Variants in CPS1 observed in about 807,000 individuals in gnomAD.
The protein encoded by CPS1 is carbamoyl-phosphate synthase [ammonia], mitochondrial.
In CPS1, 109 loss-of-function variants were observed where a neutral mutation model predicts 174.6. The ratio of observed to expected loss-of-function variants is 0.62; its 90% CI spans 0.53 to 0.73. The LOEUF is 0.73. CPS1 is among the 30% of genes least tolerant of loss of function. The pLI is 0.00. For synonymous variants in CPS1, 637 were observed against 632.0 expected (o/e 1.01, Z -0.12); for missense variants, 1,689 against 1,821.9 (o/e 0.93, Z 1.33).
chr2:210,544,080 G>T (rs193019299), intron 1 of CPS1, among the ~76,000 whole-genome samples: 8 of 152,182 alleles, frequency 5.3e-5, no homozygotes, highest in Admixed American at 4.6e-4. Context: ...AGTTTTTAGA[G>T]AAACTGGGAA....
chr2:210,548,659 C>T (rs1696626946), intron 1 of CPS1, among the ~76,000 whole-genome samples: 1 of 151,884 alleles, frequency 6.6e-6, no homozygotes, highest in Non-Finnish European at 1.5e-5. Flanking sequence ...CTTCTTCCTC[C>T]CCTTCTTCAT....
upstream of CPS1, chr2:210,556,395 A>C (rs772341042): frequency 4.0e-6 from 2 of 495,926 alleles, no homozygotes; most frequent in South Asian, 3.1e-5. Flanking sequence ...AGGTCATTCC[A>C]TTCAGCTGCA....
intron 1 of CPS1, among the ~76,000 whole-genome samples, chr2:210,567,967 A>G (rs1243173589): frequency 6.6e-6 from 1 of 152,196 alleles, no homozygotes; most frequent in Non-Finnish European, 1.5e-5. Flanking sequence ...AATGAAGTAC[A>G]TTTCTATGCA....
intron 21 of CPS1, among the ~76,000 whole-genome samples, chr2:210,637,408 C>T (rs1231090205): frequency 3.3e-5 from 5 of 152,058 alleles, no homozygotes; most frequent in Non-Finnish European, 7.4e-5. Flanking sequence ...TACTAATGAG[C>T]ACATTTATTA....
chr2:210,544,693 G>A (rs1696517107), intron 1 of CPS1, among the ~76,000 whole-genome samples: 1 of 151,898 alleles, frequency 6.6e-6, no homozygotes, highest in South Asian at 2.1e-4. Flanking sequence ...TTTTTCTTCA[G>A]GCTGAAATAT....
At chr2:210,493,726 A>G (rs1466978287) in intron 1 of CPS1, among the ~76,000 whole-genome samples, 1 of 152,172 alleles carries the variant, frequency 6.6e-6, no homozygotes, top group Non-Finnish European at 1.5e-5. Context: ...TTGGGCAAAC[A>G]AAGGAAGTTG....
At chr2:210,621,722 G>A (rs2105874760) in intron 21 of CPS1, among the ~76,000 whole-genome samples, 1 of 152,174 alleles carries the variant, frequency 6.6e-6, no homozygotes, top group East Asian at 1.9e-4. Context: ...GATGTCAAAT[G>A]TCTTCACCAA....
At chr2:210,665,203 C>T (rs1701051304) in intron 33 of CPS1, among the ~76,000 whole-genome samples, 1 of 152,176 alleles carries the variant, frequency 6.6e-6, no homozygotes, top group Admixed American at 6.5e-5. Context: ...GAGAGAAAAG[C>T]AGCAACCACA....
At chr2:210,651,365 A>C (rs1700553387) in intron 28 of CPS1, among the ~76,000 whole-genome samples, 1 of 152,212 alleles carries the variant, frequency 6.6e-6, no homozygotes, top group Non-Finnish European at 1.5e-5. Flanking sequence ...GAGTGAGAAG[A>C]GGCAAAGAGT....
At chr2:210,493,797 G>T (rs1193248028) in intron 1 of CPS1, among the ~76,000 whole-genome samples, 4 of 152,186 alleles carry the variant, frequency 2.6e-5, no homozygotes, top group Non-Finnish European at 5.9e-5. Flanking sequence ...CTAGGGGCAA[G>T]CAAATACTCC....
At position 210,675,790 on chromosome 2, in the gene CPS1, G is replaced by A; in HGVS notation, c.4224G>A (p.Val1408=). The A allele has an allele frequency of 1.2e-6, 2 of 1,608,158 alleles. No individual in the cohort carries two copies. Among genetic ancestry groups the A allele is most frequent in the Non-Finnish European group, 1.7e-6 (2 of 1,174,578 alleles). ...CCAACAATGTCCCTGCCACCCCAGT[G>A]GCATGGCCGTCTCAAGAAGGACAGA... ...LNANNVPATP[V]AWPSQEGQNP... is the part of the protein sequence containing the mutation. Residue 1408 remains valine, a synonymous_variant, in exon 36 of 38, where the codon GTG becomes GTA. Coordinates refer to ENST00000233072, the MANE Select transcript of CPS1 (RefSeq NM_001875.5).
chr2:210,615,582 G>T (rs1316286315), intron 20 of CPS1, among the ~76,000 whole-genome samples: 3 of 151,884 alleles, frequency 2.0e-5, no homozygotes, highest in Admixed American at 1.3e-4. Context: ...TTTTCACAGG[G>T]TATATACACG....
intron 5 of CPS1, among the ~76,000 whole-genome samples, chr2:210,581,152 T>C (rs1697910863): frequency 6.6e-6 from 1 of 152,084 alleles, no homozygotes; most frequent in African/African-American, 2.4e-5. Context: ...TCTCTCAGCC[T>C]AATGATGTGT....
At position 210,676,992 on chromosome 2, in the gene CPS1, T is replaced by G. The variant is rs2105945904; in HGVS notation, c.4275-15T>G. ...ATATGCCTTGTTGTCTATAAGTTTT[T>G]GTTTATTTTTCCAGATTGATTAGAG... On this transcript the variant is annotated splice_polypyrimidine_tract_variant and intron_variant, in intron 36 of 37. Transcript: ENST00000233072. 3.1e-6 allele frequency: 5 copies of G among 1,611,820 alleles called. No homozygotes were observed. In the South Asian group the frequency reaches 5.5e-5, roughly 18 times the overall value.
chr2:210,486,151 CACACA>C (rs1694716572), intron 1 of CPS1, among the ~76,000 whole-genome samples: 1 of 131,260 alleles, frequency 7.6e-6, no homozygotes, highest in Non-Finnish European at 1.6e-5. Flanking sequence ...CACACACACA[CACACA>C]CACCCTGTAT....
At chr2:210,599,700 C>T (rs1157038932) in intron 14 of CPS1, 139 bp downstream of exon 14, 1 of 854,602 alleles carries the variant, frequency 1.2e-6, no homozygotes, top group East Asian at 2.6e-5. Context: ...AGTTAGCAAA[C>T]AGCCACTTAA....
At chr2:210,494,875 G>C (rs1248956977) in intron 1 of CPS1, among the ~76,000 whole-genome samples, 1 of 152,134 alleles carries the variant, frequency 6.6e-6, no homozygotes, top group Non-Finnish European at 1.5e-5. Context: ...CTCAATTGTT[G>C]GGGTGCACAT....
In CPS1 at chr2:210,590,216, A is replaced by G; in HGVS notation, c.822A>G (p.Leu274=). ...GGAACCCAGCTCTTGCAGAACCACT[A>G]ATTCAGAATGTCAGAAAGGTGCAAT... ...GPGNPALAEP[L]IQNVRKILES... Residue 274 remains leucine, a synonymous_variant, in exon 8 of 38, where the codon CTA becomes CTG. Coordinates refer to ENST00000233072, the MANE Select transcript of CPS1 (RefSeq NM_001875.5). 6.2e-7 allele frequency: 1 copy of G among 1,612,704 alleles called. No homozygotes were observed. Among genetic ancestry groups the G allele is most frequent in the South Asian group, 1.1e-5 (1 of 91,060 alleles).
At chr2:210,591,729 A>G in intron 9 of CPS1, 102 bp from the exon 10 acceptor site, 1 of 1,324,082 alleles carries the variant, frequency 7.6e-7, no homozygotes, top group Non-Finnish European at 1.1e-6. Flanking sequence ...TGAAATTTTG[A>G]ATTTTAATAG....
Sources: allele counts gnomAD v4.1 joint callset (sites outside exome capture counted in the v4.1 genomes callset), GRCh38; gene constraint gnomAD v4.1.1; transcripts MANE v1.5; gene names NCBI Gene and HGNC (gene_info 2026-07-23, HGNC 2026-07-21).